TRMT9B: variants seen among roughly 807,000 people sequenced by gnomAD.
The protein encoded by TRMT9B is tRNA methyltransferase 9B (putative), also known as probable tRNA methyltransferase 9B.
In TRMT9B, 16 loss-of-function variants were observed where a neutral mutation model predicts 11.5. The ratio of observed to expected loss-of-function variants is 1.39; its 90% CI spans 0.94 to 2.11. The LOEUF (loss-of-function observed/expected upper bound fraction) is 2.11, where lower values mean the gene tolerates loss of function less well. Ranked by LOEUF, TRMT9B falls within the 30% of genes most tolerant of loss-of-function variation. TRMT9B has a pLI of 0.00. For missense variants in TRMT9B, 941 were observed against 553.8 expected (o/e 1.70, Z -7.02); for synonymous variants, 274 against 192.4 (o/e 1.42, Z -3.51).
intron 3 of TRMT9B, chr8:13,007,483 GTC>G (rs1810702344): frequency 6.6e-6 from 1 of 152,142 alleles, no homozygotes; most frequent in South Asian, 2.1e-4. Flanking sequence ...TGCAAAGTGT[GTC>G]TAGTTTGATA....
At position 13,027,575 on chromosome 8, in the gene TRMT9B, T is replaced by A. The variant is rs919387638; in HGVS notation, c.*5531T>A. 1 of 167,108 alleles carries A rather than the reference T, an allele frequency of 6.0e-6. No homozygotes were observed. The highest frequency in any genetic ancestry group is 1.5e-5 in the Non-Finnish European group (1 of 68,128). The allele number at this position is 167,108 out of a possible 1,614,324, so 10.4% of individuals were successfully genotyped here. A position where few individuals can be genotyped will look rare whatever the true frequency, so the allele number is the denominator to read the frequency against. On this transcript the variant is annotated 3_prime_UTR_variant, in exon 5 of 5. Coordinates refer to ENST00000524591, the MANE Select transcript of TRMT9B (RefSeq NM_020844.3). ...TCTCATTTCCTGCAGTTGCACCCGA[T>A]TTTTTCTGTTCTGCAATCTGCTATT... is the stretch of plus-strand genomic sequence containing the variant.
chr8:13,014,329 T>C (rs868292855), intron 4 of TRMT9B, among the ~76,000 whole-genome samples: 3 of 152,152 alleles, frequency 2.0e-5, no homozygotes, highest in Non-Finnish European at 2.9e-5. Context: ...CAACAGACAT[T>C]TATTTCTCAC....
At chr8:12,992,933 T>C (rs2954179) in intron 2 of TRMT9B, among the ~76,000 whole-genome samples, 122,810 of 152,180 alleles carry the variant, frequency 0.81, 49,602 homozygotes, top group Middle Eastern at 0.87. Context: ...ACCCATAAAT[T>C]CTTTATGCAG....
chr8:12,959,516 C>CTTTTTTTTTT lies in TRMT9B; in HGVS notation c.-200+13564_-200+13573dup, dbSNP rs61536433. Among the ~76,000 whole-genome samples the CTTTTTTTTTT allele has an allele frequency of 5.3e-3, 397 of 74,922 alleles. 38 individuals carry two copies. Among genetic ancestry groups the CTTTTTTTTTT allele is most frequent in the Middle Eastern group, 0.015 (1 of 66 alleles). The allele number at this position is 74,922 out of a possible 152,430, so 49.2% of individuals were successfully genotyped here. A position where few individuals can be genotyped will look rare whatever the true frequency, so the allele number is the denominator to read the frequency against. On this transcript the variant is annotated intron_variant, in intron 1 of 4. Coordinates refer to ENST00000524591, the MANE Select transcript of TRMT9B (RefSeq NM_020844.3). ...TCTCCTCTCCTTTCCTTTTTCCTTC[C>CTTTTTTTTTT]TTTTTTTTTTTTTTTTTTTTTTTGA...
intron 1 of TRMT9B, among the ~76,000 whole-genome samples, chr8:12,957,286 C>G (rs1028627135): frequency 6.6e-6 from 1 of 152,134 alleles, no homozygotes; most frequent in Non-Finnish European, 1.5e-5. Context: ...TAACACAGAG[C>G]TAGTGAAGTA....
At chr8:12,977,140 C>A (rs997837210) in intron 1 of TRMT9B, among the ~76,000 whole-genome samples, 1 of 152,200 alleles carries the variant, frequency 6.6e-6, no homozygotes, top group Non-Finnish European at 1.5e-5. Flanking sequence ...GCTGCCCTCT[C>A]CAGGTTGGAA....
Position 13,010,836 on chromosome 8 carries a change from G to C in TRMT9B, c.155-1848G>C, listed in dbSNP as rs972994068. The stretch of plus-strand genomic sequence containing the variant: ...GGATTTTAATTTTAAAATACTTTGT[G>C]AATTATATTTTCCCCATGATTGCCT... On this transcript the variant is annotated intron_variant, in intron 3 of 4. Coordinates refer to ENST00000524591, the MANE Select transcript of TRMT9B (RefSeq NM_020844.3). The C allele has an allele frequency of 8.1e-6, 8 of 981,980 alleles. No individual in the cohort carries two copies. The African/African-American group carries it at 1.1e-4, about 13-fold the overall frequency. 60.8% of individuals were successfully genotyped at this position (981,980 alleles called of 1,614,324 possible).
chr8:12,976,721 C>G (rs923290341), intron 1 of TRMT9B, among the ~76,000 whole-genome samples: 1 of 152,234 alleles, frequency 6.6e-6, no homozygotes, highest in East Asian at 1.9e-4. Context: ...GAAAACTAAC[C>G]AGGGATGGCA....
At chr8:12,959,298 T>C (rs1211840722) in intron 1 of TRMT9B, among the ~76,000 whole-genome samples, 1 of 152,166 alleles carries the variant, frequency 6.6e-6, no homozygotes, top group Admixed American at 6.5e-5. Flanking sequence ...ACACCTGACT[T>C]CACTTGACAG....
At chr8:12,993,706 C>T (rs1374635613) in intron 2 of TRMT9B, among the ~76,000 whole-genome samples, 1 of 152,226 alleles carries the variant, frequency 6.6e-6, no homozygotes, top group Non-Finnish European at 1.5e-5. Flanking sequence ...AGTCAGAGTC[C>T]CTTCATCCAT....
At chr8:12,956,966 C>A (rs536835145) in intron 1 of TRMT9B, among the ~76,000 whole-genome samples, 3 of 152,084 alleles carry the variant, frequency 2.0e-5, no homozygotes, top group Admixed American at 6.6e-5. Flanking sequence ...GATTATTGAA[C>A]AAAATTTTGT....
At chr8:12,990,716 T>A (rs1346256028) in intron 1 of TRMT9B, 118 bp from the exon 2 acceptor site, 8 of 396,934 alleles carry the variant, frequency 2.0e-5, no homozygotes, top group Non-Finnish European at 3.3e-5. Context: ...AACAATTCTT[T>A]CTAATCCCTA....
At position 13,027,344 on chromosome 8, in the gene TRMT9B, C is replaced by G. The variant is rs1394095777; in HGVS notation, c.*5300C>G. 6.0e-6 allele frequency: 1 copy of G among 167,002 alleles called. No homozygotes were observed. Among genetic ancestry groups the G allele is most frequent in the African/African-American group, 2.4e-5 (1 of 41,442 alleles). The allele number at this position is 167,002 out of a possible 1,614,324, so 10.3% of individuals were successfully genotyped here. A position where few individuals can be genotyped will look rare whatever the true frequency, so the allele number is the denominator to read the frequency against. On this transcript the variant is annotated 3_prime_UTR_variant, in exon 5 of 5. Coordinates refer to ENST00000524591, the MANE Select transcript of TRMT9B (RefSeq NM_020844.3). ...TGAGGAAAACAACAAACAACCCTCC[C>G]TTAGAGAATCATGATGCATATTAGC... is the stretch of plus-strand genomic sequence containing the variant.
chr8:13,025,148 A>G lies in TRMT9B; in HGVS notation c.*3104A>G, dbSNP rs1239737177. The G allele has an allele frequency of 6.0e-6, 1 of 166,868 alleles. No homozygotes were observed. The highest frequency in any genetic ancestry group is 1.9e-4 in the East Asian group (1 of 5,174). 10.3% of individuals were successfully genotyped at this position (166,868 alleles called of 1,614,324 possible). On this transcript the variant is annotated 3_prime_UTR_variant, in exon 5 of 5. Coordinates refer to ENST00000524591, the MANE Select transcript of TRMT9B (RefSeq NM_020844.3). ...GTGTCTTTCTTATTCCTTCTTCTTT[A>G]CTTACTGGCATCAGCACAGAGTCCC...
chr8:13,005,132 G>C (rs886691402), intron 2 of TRMT9B, among the ~76,000 whole-genome samples: 1 of 151,722 alleles, frequency 6.6e-6, no homozygotes. Context: ...CCTGTCATTC[G>C]CAATAACATG....
At chr8:13,006,466 G>T in intron 3 of TRMT9B, 110 bp downstream of exon 3, 1 of 1,566,730 alleles carries the variant, frequency 6.4e-7, no homozygotes, top group Non-Finnish European at 8.6e-7. Flanking sequence ...CCTCATTGCT[G>T]TCATAGGTAA....
chr8:12,970,521 C>T (rs971307757), intron 1 of TRMT9B, among the ~76,000 whole-genome samples: 13 of 152,182 alleles, frequency 8.5e-5, no homozygotes, highest in African/African-American at 1.2e-4. Context: ...CTAGAGCAGA[C>T]GCCTTCTGGG....
chr8:12,962,358 A>G (rs1344860998), intron 1 of TRMT9B, among the ~76,000 whole-genome samples: 1 of 152,222 alleles, frequency 6.6e-6, no homozygotes, highest in Non-Finnish European at 1.5e-5. Context: ...AAAATAATTT[A>G]TGATCTCTTG....
intron 1 of TRMT9B, among the ~76,000 whole-genome samples, chr8:12,986,634 T>C (rs1406794756): frequency 6.6e-6 from 1 of 152,234 alleles, no homozygotes; most frequent in Non-Finnish European, 1.5e-5. Flanking sequence ...AGAGTTTATA[T>C]ATGGCCATTA....
Sources: allele counts gnomAD v4.1 joint callset (sites outside exome capture counted in the v4.1 genomes callset), GRCh38; gene constraint gnomAD v4.1.1; transcripts MANE v1.5; gene names NCBI Gene and HGNC (gene_info 2026-07-23, HGNC 2026-07-21).